Variants in OLAH observed in about 807,000 individuals in gnomAD.
OLAH encodes oleoyl-ACP hydrolase.
A neutral mutation model predicts 27.8 loss-of-function variants in OLAH; 33 were observed. The observed-to-expected ratio is 1.19, with a 90% CI of 0.90 to 1.59. The LOEUF (loss-of-function observed/expected upper bound fraction) is 1.59. Ranked by LOEUF, OLAH falls within the 40% of genes most tolerant of loss-of-function variation. The probability of loss-of-function intolerance (pLI) is 0.00; values close to 1 mark genes in which losing one functional copy is unlikely to be tolerated. For synonymous variants in OLAH, 120 were observed against 102.9 expected (o/e 1.17, Z -1.01); for missense variants, 359 against 310.8 (o/e 1.16, Z -1.17).
intron 3 of OLAH, among the ~76,000 whole-genome samples, chr10:15,060,131 C>T (rs1190820751): frequency 6.6e-6 from 1 of 152,064 alleles, no homozygotes; most frequent in East Asian, 1.9e-4. Context: ...TACTCATCAG[C>T]TGTGCATTTA....
chr10:15,047,722 CT>C (rs1844049241), intron 2 of OLAH, among the ~76,000 whole-genome samples: 1 of 152,000 alleles, frequency 6.6e-6, no homozygotes, highest in Non-Finnish European at 1.5e-5. Flanking sequence ...AAAAATTAGT[CT>C]TTTTTGCCTT....
At chr10:15,037,868 A>G (rs2131327549) in intron 1 of OLAH, among the ~76,000 whole-genome samples, 1 of 152,354 alleles carries the variant, frequency 6.6e-6, no homozygotes, top group Middle Eastern at 3.4e-3. Context: ...AGCCAGGAAT[A>G]AGAATAGCCA....
At chr10:15,042,247 G>T (rs796733720), upstream of OLAH, among the ~76,000 whole-genome samples, 12 of 152,056 alleles carry the variant, frequency 7.9e-5, no homozygotes, top group African/African-American at 2.9e-4. Flanking sequence ...CACCTCCCCG[G>T]TTCAAGCGAT....
intron 3 of OLAH, among the ~76,000 whole-genome samples, chr10:15,059,627 G>A (rs1469262552): frequency 5.3e-5 from 8 of 152,082 alleles, no homozygotes; most frequent in Non-Finnish European, 1.2e-4. Context: ...CCAACATGGT[G>A]AAACCCCGTC....
chr10:15,065,730 T>C lies in OLAH; in HGVS notation c.549T>C (p.Asp183=). The change falls in exon 6 of 8, where the codon GAT becomes GAC. Residue 183 remains aspartate (D), a synonymous_variant. Coordinates refer to ENST00000378228, the MANE Select transcript of OLAH (RefSeq NM_001039702.3). ...VKQCSPIIRA[D]LNIVRSCTSN... is the part of the protein sequence containing the mutation. The stretch of plus-strand genomic sequence containing the variant: ...AATGTAGTCCCATCATAAGGGCAGA[T>C]CTGAACATTGTTAGAAGTTGCACGT... 1 of 1,605,526 alleles carries C rather than the reference T, an allele frequency of 6.2e-7. No individual in the cohort carries two copies. The highest frequency in any genetic ancestry group is 8.5e-7 in the Non-Finnish European group (1 of 1,177,950).
At chr10:15,049,218 C>T (rs1844085244) in intron 2 of OLAH, among the ~76,000 whole-genome samples, 1 of 149,364 alleles carries the variant, frequency 6.7e-6, no homozygotes, top group African/African-American at 2.5e-5. Context: ...TCTGCACCCT[C>T]AAACTCTTAG....
intron 3 of OLAH, 152 bp downstream of exon 3, chr10:15,049,917 C>T (rs1365456025): frequency 1.4e-6 from 1 of 720,422 alleles, no homozygotes; most frequent in Non-Finnish European, 2.2e-6. Flanking sequence ...TTTTATGTTT[C>T]TAAAGTAACT....
chr10:15,065,396 A>G, intron 5 of OLAH, 188 bp from the exon 6 acceptor site: 1 of 539,384 alleles, frequency 1.9e-6, no homozygotes, highest in Non-Finnish European at 3.2e-6. Flanking sequence ...ATGATGCTGT[A>G]GTTATTACTG....
At chr10:15,065,815 T>C in intron 6 of OLAH, 62 bp downstream of exon 6, 1 of 1,472,400 alleles carries the variant, frequency 6.8e-7, no homozygotes, top group Non-Finnish European at 9.2e-7. Flanking sequence ...AAAACATAGA[T>C]TGGCAGTGCT....
At chr10:15,034,818 T>G (rs1843817086) in intron 1 of OLAH, among the ~76,000 whole-genome samples, 1 of 147,494 alleles carries the variant, frequency 6.8e-6, no homozygotes, top group East Asian at 2.0e-4. Flanking sequence ...TTTTTTTTTT[T>G]TGAGACGGGT....
chr10:15,072,281 T>C (rs1844606779), intron 7 of OLAH, among the ~76,000 whole-genome samples: 1 of 152,062 alleles, frequency 6.6e-6, no homozygotes. Flanking sequence ...AGTAGGTGTA[T>C]ATATTTACGT....
At chr10:15,052,961 G>C (rs1045594527) in intron 3 of OLAH, among the ~76,000 whole-genome samples, 4 of 151,238 alleles carry the variant, frequency 2.6e-5, no homozygotes, top group African/African-American at 4.9e-5. Flanking sequence ...GGCTGGTCTC[G>C]AACTCCTGAC....
At chr10:15,051,512 G>A (rs766497311) in intron 3 of OLAH, among the ~76,000 whole-genome samples, 15 of 152,126 alleles carry the variant, frequency 9.9e-5, no homozygotes, top group Non-Finnish European at 1.8e-4. Context: ...TTACACATCT[G>A]TCCAACCTGT....
upstream of OLAH, among the ~76,000 whole-genome samples, chr10:15,040,605 C>T (rs1487308124): frequency 6.6e-6 from 1 of 152,114 alleles, no homozygotes; most frequent in African/African-American, 2.4e-5. Flanking sequence ...CTTCCCTTTC[C>T]CCCGTCCTAG....
intron 3 of OLAH, among the ~76,000 whole-genome samples, chr10:15,056,041 G>C (rs1564530383): frequency 6.6e-6 from 1 of 151,978 alleles, no homozygotes; most frequent in South Asian, 2.1e-4. Flanking sequence ...GTAGAGACAG[G>C]ATTTCACCAT....
intron 1 of OLAH, among the ~76,000 whole-genome samples, chr10:15,045,686 TG>T (rs1333423817): frequency 6.6e-6 from 1 of 152,182 alleles, no homozygotes; most frequent in Non-Finnish European, 1.5e-5. Flanking sequence ...CTGAGCTCCC[TG>T]GAACTGTGTT....
intron 3 of OLAH, 69 bp from the exon 4 acceptor site, chr10:15,061,655 G>T (rs1018926134): frequency 5.8e-6 from 8 of 1,380,566 alleles, no homozygotes; most frequent in Non-Finnish European, 7.6e-6. Flanking sequence ...GTAAATATGA[G>T]CCCTTTTATA....
intron 3 of OLAH, among the ~76,000 whole-genome samples, chr10:15,061,312 G>A (rs1041717932): frequency 6.6e-6 from 1 of 152,120 alleles, no homozygotes; most frequent in African/African-American, 2.4e-5. Flanking sequence ...TTAGCTTTGT[G>A]TAAAGGACTC....
At chr10:15,054,015 C>T (rs1208966445) in intron 3 of OLAH, among the ~76,000 whole-genome samples, 2 of 151,536 alleles carry the variant, frequency 1.3e-5, no homozygotes, top group South Asian at 2.1e-4. Flanking sequence ...TAGGCGTGAG[C>T]CACAGTGCTC....
Sources: gnomAD v4.1 joint callset for allele counts (sites outside exome capture counted in the v4.1 genomes callset) on GRCh38, gnomAD v4.1.1 for gene constraint, MANE v1.5 for transcripts, NCBI Gene and HGNC (gene_info 2026-07-23, HGNC 2026-07-21) for gene names.